C12orf42: variants seen among roughly 807,000 people sequenced by gnomAD.
C12orf42 encodes uncharacterized protein C12orf42.
A neutral mutation model predicts 21.6 loss-of-function variants in C12orf42; 25 were observed. The ratio of observed to expected loss-of-function variants is 1.16; its 90% CI spans 0.84 to 1.62. The LOEUF (loss-of-function observed/expected upper bound fraction) is 1.62, where lower values mean the gene tolerates loss of function less well. Among genes scored for constraint, C12orf42 ranks in the 40% most tolerant of loss-of-function variants. C12orf42 has a pLI of 0.00. For missense variants in C12orf42, 483 were observed against 459.3 expected (o/e 1.05, Z -0.47); for synonymous variants, 174 against 175.0 (o/e 0.99, Z 0.05).
the C12orf42 span, among the ~76,000 whole-genome samples, chr12:103,195,722 C>T: frequency 6.6e-6 from 1 of 151,852 alleles, no homozygotes. Context: ...ATATTTTTTC[C>T]TATTCTGTAG....
intron 2 of C12orf42, among the ~76,000 whole-genome samples, chr12:103,470,981 C>T (rs1181083865): frequency 6.6e-6 from 1 of 152,180 alleles, no homozygotes; most frequent in Non-Finnish European, 1.5e-5. Flanking sequence ...TTACTGTGCT[C>T]TGTCTGAATT....
intron 10 of C12orf42, among the ~76,000 whole-genome samples, chr12:103,238,088 A>G (rs1565987170): frequency 6.6e-6 from 1 of 152,198 alleles, no homozygotes; most frequent in Non-Finnish European, 1.5e-5. Context: ...ATGGAGGGAC[A>G]TGGGACTAAT....
At chr12:103,495,008 A>G (rs1422571001) in intron 1 of C12orf42, among the ~76,000 whole-genome samples, 1 of 152,020 alleles carries the variant, frequency 6.6e-6, no homozygotes, top group Non-Finnish European at 1.5e-5. Flanking sequence ...GATAAATAAT[A>G]TGTCTACACA....
chr12:103,298,708 G>A (rs867408972), downstream of C12orf42, among the ~76,000 whole-genome samples: 24 of 152,244 alleles, frequency 1.6e-4, no homozygotes, highest in African/African-American at 5.3e-4. Context: ...TTGAGATCTG[G>A]ATCAGCTCCA....
At chr12:103,236,322 C>T (rs1202336822), downstream of C12orf42, among the ~76,000 whole-genome samples, 2 of 152,140 alleles carry the variant, frequency 1.3e-5, no homozygotes, top group South Asian at 2.1e-4. Context: ...TCAATAACAA[C>T]AGAAAATCTT....
chr12:103,469,675 TAG>T (rs930583751), intron 2 of C12orf42, among the ~76,000 whole-genome samples: 3 of 152,200 alleles, frequency 2.0e-5, no homozygotes, highest in Admixed American at 1.3e-4. Context: ...GTTTTTAAGA[TAG>T]ATTCTCAGAA....
downstream of C12orf42, among the ~76,000 whole-genome samples, chr12:103,267,144 C>T (rs530384584): frequency 3.3e-5 from 5 of 152,212 alleles, no homozygotes; most frequent in South Asian, 1.0e-3. Context: ...CCTGCATGCC[C>T]TTCAGGTGTC....
chr12:103,201,637 T>C, the C12orf42 span, among the ~76,000 whole-genome samples: 2 of 152,194 alleles, frequency 1.3e-5, no homozygotes, highest in Non-Finnish European at 2.9e-5. Context: ...CACGTAGTTG[T>C]AAGAGGATCA....
chr12:103,331,930 T>C lies in C12orf42; in HGVS notation c.260-25585A>G, dbSNP rs141978304. ...ACAAGGAAGAGTTGGTTCTATGCAA[T>C]AGTGAGAACAGGGGAAAATGTACAG... On this transcript the variant is annotated intron_variant, in intron 4 of 5. Transcript: ENST00000548883. Among the ~76,000 whole-genome samples, 416 of 152,232 alleles carry C rather than the reference T, an allele frequency of 2.7e-3. 3 individuals are homozygous for C. The highest frequency in any genetic ancestry group is 9.5e-3 in the African/African-American group (395 of 41,522).
chr12:103,268,865 T>G (rs2035302290), exon 7 of C12orf42: 1 of 152,192 alleles, frequency 6.6e-6, no homozygotes, highest in Non-Finnish European at 1.5e-5. Context: ...AACTCTCTTT[T>G]GTGTGGAGAC....
chr12:103,192,418 G>A, the C12orf42 span, among the ~76,000 whole-genome samples: 747 of 150,888 alleles, frequency 5.0e-3, 3 homozygotes, highest in Non-Finnish European at 5.8e-3. Flanking sequence ...CAGGAGAATC[G>A]CTTGAACCTG....
intron 4 of C12orf42, among the ~76,000 whole-genome samples, chr12:103,279,301 G>T: frequency 6.6e-6 from 1 of 152,026 alleles, no homozygotes; most frequent in East Asian, 1.9e-4. Flanking sequence ...CACTGATTGT[G>T]GTAATGGTTC....
At chr12:103,219,223 C>A in the C12orf42 span, among the ~76,000 whole-genome samples, 2 of 152,290 alleles carry the variant, frequency 1.3e-5, no homozygotes, top group South Asian at 4.1e-4. Context: ...AAAACTGAAA[C>A]TGGACCCCTT....
At chr12:103,413,012 C>G (rs571825294) in intron 2 of C12orf42, among the ~76,000 whole-genome samples, 2 of 152,284 alleles carry the variant, frequency 1.3e-5, no homozygotes, top group South Asian at 4.1e-4. Context: ...CTTTTGGAAA[C>G]TTAGCCAAAA....
intron 4 of C12orf42, among the ~76,000 whole-genome samples, chr12:103,322,812 A>C (rs952277089): frequency 6.6e-6 from 1 of 152,238 alleles, no homozygotes; most frequent in Non-Finnish European, 1.5e-5. Context: ...ATGCTTATGA[A>C]AAAGATACTT....
At chr12:103,129,277 G>A in the C12orf42 span, among the ~76,000 whole-genome samples, 1 of 152,178 alleles carries the variant, frequency 6.6e-6, no homozygotes, top group African/African-American at 2.4e-5. Flanking sequence ...TGATATGGGA[G>A]GAATGACTAT....
the C12orf42 span, among the ~76,000 whole-genome samples, chr12:103,076,662 T>A: frequency 1.3e-5 from 2 of 152,220 alleles, no homozygotes; most frequent in Non-Finnish European, 2.9e-5. Flanking sequence ...CTGAAACTAT[T>A]CTTTTCTAGT....
intron 1 of C12orf42, among the ~76,000 whole-genome samples, chr12:103,489,290 G>A (rs1028827034): frequency 1.2e-4 from 18 of 152,354 alleles, no homozygotes; most frequent in Admixed American, 7.2e-4. Flanking sequence ...CTGCAGAACA[G>A]CAAATAATGC....
the C12orf42 span, among the ~76,000 whole-genome samples, chr12:103,226,542 T>C: frequency 6.6e-6 from 1 of 152,302 alleles, no homozygotes; most frequent in South Asian, 2.1e-4. Context: ...AAAAGGAGCA[T>C]TAACCTTGAC....
Sources: gnomAD v4.1 joint callset for allele counts (sites outside exome capture counted in the v4.1 genomes callset) on GRCh38, gnomAD v4.1.1 for gene constraint, MANE v1.5 for transcripts, NCBI Gene and HGNC (gene_info 2026-07-23, HGNC 2026-07-21) for gene names.